PI4KA: variants seen among roughly 807,000 people sequenced by gnomAD.
PI4KA encodes the protein phosphatidylinositol 4-kinase alpha.
In PI4KA, 122 loss-of-function variants were observed where a neutral mutation model predicts 271.4. The observed-to-expected ratio is 0.45, with a 90% CI of 0.39 to 0.52. The LOEUF (loss-of-function observed/expected upper bound fraction) is 0.52, where lower values mean the gene tolerates loss of function less well. PI4KA is among the 20% of genes least tolerant of loss of function. PI4KA has a pLI of 0.00. For synonymous variants in PI4KA, 1,041 were observed against 1,078.8 expected, an observed-to-expected ratio of 0.96 and a Z score of 0.69; for missense variants, 1,969 against 2,769.1, an observed-to-expected ratio of 0.71 and a Z score of 6.48.
chr22:20,759,402 C>CTTTTTTTTTTT lies in PI4KA; in HGVS notation c.2791+1891_2791+1901dup, dbSNP rs886192073. On this transcript the variant is annotated intron_variant, in intron 23 of 54. Transcript: ENST00000255882. ...TTGATTTTTCTTTTTCTTTTCTTTT[C>CTTTTTTTTTTT]TTTTTTTTTTTTTTTTTTTTTGAGA... Among the ~76,000 whole-genome samples the CTTTTTTTTTTT allele has an allele frequency of 2.5e-3, 256 of 102,868 alleles. 3 individuals are homozygous for CTTTTTTTTTTT. The highest frequency in any genetic ancestry group is 4.9e-3 in the African/African-American group (131 of 26,722). The allele number at this position is 102,868 out of a possible 152,430, so 67.5% of individuals were successfully genotyped here. A position where few individuals can be genotyped will look rare whatever the true frequency, so the allele number is the denominator to read the frequency against.
intron 19 of PI4KA, among the ~76,000 whole-genome samples, chr22:20,773,453 G>A (rs1408180438): frequency 3.3e-5 from 5 of 152,234 alleles, no homozygotes; most frequent in Middle Eastern, 3.4e-3. Context: ...AGATCCCCAC[G>A]AATGCCTAAG....
chr22:20,761,676 C>T (rs757287029), intron 22 of PI4KA, among the ~76,000 whole-genome samples: 3 of 152,076 alleles, frequency 2.0e-5, no homozygotes, highest in Non-Finnish European at 2.9e-5. Flanking sequence ...TCTGAATGCT[C>T]ACCAACAGGA....
At chr22:20,767,292 A>C (rs1932621738) in intron 19 of PI4KA, among the ~76,000 whole-genome samples, 1 of 151,756 alleles carries the variant, frequency 6.6e-6, no homozygotes, top group African/African-American at 2.4e-5. Flanking sequence ...AAATACAAAA[A>C]CATTAGCCGG....
chr22:20,722,472 C>T (rs1379487291), intron 42 of PI4KA, among the ~76,000 whole-genome samples: 6 of 152,160 alleles, frequency 3.9e-5, no homozygotes. Flanking sequence ...CAGTTATGAG[C>T]CACCGCACCT....
At chr22:20,779,063 G>T (rs1569022402) in intron 19 of PI4KA, 2 of 942,758 alleles carry the variant, frequency 2.1e-6, no homozygotes, top group African/African-American at 1.7e-5. Flanking sequence ...TTAAAGAAGG[G>T]ATTTTCATCA....
intron 22 of PI4KA, 53 bp from the exon 23 acceptor site, chr22:20,761,439 C>A (rs1931964305): frequency 9.2e-7 from 1 of 1,087,814 alleles, no homozygotes; most frequent in South Asian, 1.3e-5. Context: ...CCCTCCCTAT[C>A]ACAGATTTGA....
At chr22:20,793,774 G>A (rs1193770283) in intron 18 of PI4KA, among the ~76,000 whole-genome samples, 2 of 152,194 alleles carry the variant, frequency 1.3e-5, no homozygotes, top group Non-Finnish European at 1.5e-5. Context: ...TTCTTCCCAA[G>A]TTAGGGAAAT....
intron 42 of PI4KA, among the ~76,000 whole-genome samples, chr22:20,723,861 C>T (rs538626338): frequency 3.2e-4 from 48 of 151,302 alleles, no homozygotes; most frequent in South Asian, 3.2e-3. Context: ...TTTTTTGAGA[C>T]GGAGTCTCAC....
At chr22:20,824,291 A>T (rs1338122998) in intron 4 of PI4KA, 35 bp downstream of exon 4, 1 of 1,316,358 alleles carries the variant, frequency 7.6e-7, no homozygotes, top group Non-Finnish European at 1.1e-6. Context: ...TCAATCTAAT[A>T]GAAATGCATA....
intron 19 of PI4KA, among the ~76,000 whole-genome samples, chr22:20,773,689 G>A (rs985014361): frequency 1.3e-5 from 2 of 152,162 alleles, no homozygotes; most frequent in Non-Finnish European, 2.9e-5. Flanking sequence ...TAGTAGCTGA[G>A]CCAGCCACAT....
At chr22:20,761,411 A>C (rs572372604) in intron 22 of PI4KA, 25 bp from the exon 23 acceptor site, 15 of 1,517,106 alleles carry the variant, frequency 9.9e-6, no homozygotes, top group Middle Eastern at 1.7e-4. Flanking sequence ...GCTTTAAATA[A>C]ATTTTGAAAA....
intron 19 of PI4KA, among the ~76,000 whole-genome samples, chr22:20,771,495 G>A (rs1215848575): frequency 6.6e-6 from 1 of 151,844 alleles, no homozygotes; most frequent in Non-Finnish European, 1.5e-5. Flanking sequence ...ATGTCAAGAG[G>A]GACTGAAATC....
intron 1 of PI4KA, among the ~76,000 whole-genome samples, chr22:20,844,421 G>C (rs1370086976): frequency 6.6e-6 from 1 of 152,214 alleles, no homozygotes; most frequent in Admixed American, 6.5e-5. Flanking sequence ...AGTATCTGCT[G>C]CCTTACTGAA....
At chr22:20,789,638 A>G (rs1934504721) in intron 19 of PI4KA, among the ~76,000 whole-genome samples, 1 of 152,146 alleles carries the variant, frequency 6.6e-6, no homozygotes, top group African/African-American at 2.4e-5. Flanking sequence ...TCTGGAAAGC[A>G]TTTAGATCAC....
intron 23 of PI4KA, among the ~76,000 whole-genome samples, chr22:20,753,388 T>C (rs1255608015): frequency 2.0e-5 from 3 of 152,316 alleles, no homozygotes; most frequent in Non-Finnish European, 4.4e-5. Context: ...GATATTGATA[T>C]AATCCTATTA....
At chr22:20,765,902 T>C (rs1464574547) in intron 19 of PI4KA, among the ~76,000 whole-genome samples, 1 of 152,220 alleles carries the variant, frequency 6.6e-6, no homozygotes. Flanking sequence ...CACCAGGTGC[T>C]GTGCCAGGGA....
At chr22:20,731,406 G>T (rs1928034017) in intron 36 of PI4KA, among the ~76,000 whole-genome samples, 2 of 152,022 alleles carry the variant, frequency 1.3e-5, no homozygotes, top group Admixed American at 6.6e-5. Flanking sequence ...TGCTAGTTAG[G>T]TTGTCAGCCG....
intron 10 of PI4KA, among the ~76,000 whole-genome samples, chr22:20,805,647 A>G (rs1013799781): frequency 6.6e-6 from 1 of 151,964 alleles, no homozygotes; most frequent in African/African-American, 2.4e-5. Context: ...CCTGGCTAAC[A>G]CGGTGAAACC....
chr22:20,858,067 G>C (rs929689331), intron 1 of PI4KA, among the ~76,000 whole-genome samples: 13 of 152,282 alleles, frequency 8.5e-5, no homozygotes, highest in African/African-American at 3.1e-4. Flanking sequence ...GCACTTTCAA[G>C]ACAGTGTTTC....
Sources: allele counts gnomAD v4.1 joint callset (sites outside exome capture counted in the v4.1 genomes callset), GRCh38; gene constraint gnomAD v4.1.1; transcripts MANE v1.5; gene names NCBI Gene and HGNC (gene_info 2026-07-23, HGNC 2026-07-21).